ARID1B: variants seen among roughly 807,000 people sequenced by gnomAD.
ARID1B encodes AT-rich interactive domain-containing protein 1B.
ARID1B carries 30 observed loss-of-function variants against 212.3 expected under a neutral mutation model. The observed-to-expected ratio is 0.14, with a 90% confidence interval of 0.11 to 0.19. The LOEUF is 0.19. Ranked by LOEUF, ARID1B falls within the 10% of genes least tolerant of loss-of-function variation. ARID1B has a pLI of 1.00. For synonymous variants in ARID1B, 1,402 were observed against 1,301.7 expected, an observed-to-expected ratio of 1.08 and a Z score of -1.66; for missense variants, 2,891 against 3,204.0, an observed-to-expected ratio of 0.90 and a Z score of 2.36.
chr6:157,120,263 G>T (rs1416252144), intron 6 of ARID1B, among the ~76,000 whole-genome samples: 1 of 152,152 alleles, frequency 6.6e-6, no homozygotes, highest in Non-Finnish European at 1.5e-5. Flanking sequence ...CCCCTCCCCG[G>T]ACTCTCATTT....
chr6:156,947,356 TC>T (rs1793226951), intron 4 of ARID1B, among the ~76,000 whole-genome samples: 1 of 152,238 alleles, frequency 6.6e-6, no homozygotes, highest in Non-Finnish European at 1.5e-5. Context: ...CATTATTAAT[TC>T]CTCCTTCTCT....
intron 4 of ARID1B, among the ~76,000 whole-genome samples, chr6:156,997,125 A>G (rs1429705436): frequency 6.6e-6 from 1 of 152,210 alleles, no homozygotes; most frequent in Non-Finnish European, 1.5e-5. Flanking sequence ...GATGTGGTCT[A>G]TGGGAAACAC....
chr6:156,898,569 T>A (rs752062162), intron 2 of ARID1B, among the ~76,000 whole-genome samples: 1 of 152,216 alleles, frequency 6.6e-6, no homozygotes, highest in Non-Finnish European at 1.5e-5. Context: ...GGCTGTTGAT[T>A]TGTGTTTCAT....
chr6:156,842,269 T>C (rs539904565), intron 2 of ARID1B, among the ~76,000 whole-genome samples: 37 of 152,230 alleles, frequency 2.4e-4, no homozygotes, highest in Non-Finnish European at 4.3e-4. Context: ...ACGTAGTTAC[T>C]CTCTGTTGTC....
chr6:156,778,577 C>T lies in ARID1B; in HGVS notation c.897C>T (p.Ala299=), dbSNP rs1216034857. The T allele has an allele frequency of 4.8e-6, 6 of 1,249,866 alleles. No individual in the cohort carries two copies. The highest frequency in any genetic ancestry group is 6.0e-6 in the Non-Finnish European group (6 of 1,000,304). 77.4% of individuals were successfully genotyped at this position (1,249,866 alleles called of 1,614,324 possible). A position where few individuals can be genotyped will look rare whatever the true frequency, so the allele number is the denominator to read the frequency against. The change falls in exon 1 of 20, where the codon GCC becomes GCT. Residue 299 remains alanine (A), a synonymous_variant. Transcript: ENST00000636930. ...GALGTQQPPV[A]VPGGGGGPAA... ...TGGGCACGCAGCAGCCGCCGGTCGCCGTGCCCGGGGGCGGCGGCGGCCCGG... is the reference window on the plus strand; with the variant it reads ...TGGGCACGCAGCAGCCGCCGGTCGCTGTGCCCGGGGGCGGCGGCGGCCCGG...
At chr6:156,983,668 T>A (rs1375711442) in intron 4 of ARID1B, among the ~76,000 whole-genome samples, 1 of 152,118 alleles carries the variant, frequency 6.6e-6, no homozygotes, top group African/African-American at 2.4e-5. Context: ...GTCTCAGTGT[T>A]CGGTACTTGC....
chr6:157,205,905 A>G, intron 19 of ARID1B: 2 of 451,544 alleles, frequency 4.4e-6, no homozygotes, highest in East Asian at 7.9e-5. Flanking sequence ...ATAAAAAGTA[A>G]GTTTTCGTGT....
intron 7 of ARID1B, among the ~76,000 whole-genome samples, chr6:157,141,779 T>A (rs1027530566): frequency 6.6e-6 from 1 of 152,214 alleles, no homozygotes; most frequent in Non-Finnish European, 1.5e-5. Context: ...CTAATTTTTT[T>A]AAGTTGGAAT....
Position 157,132,650 on chromosome 6 carries a change from C to CA in ARID1B, c.2582-377dup, listed in dbSNP as rs558999525. 6.6e-5 allele frequency among the ~76,000 whole-genome samples: 10 copies of CA among 152,320 alleles called. No homozygotes were observed. In the East Asian group the frequency reaches 1.9e-3, roughly 29 times the overall value. On this transcript the variant is annotated intron_variant, in intron 6 of 19. Coordinates refer to ENST00000636930, the MANE Select transcript of ARID1B (RefSeq NM_001374828.1). ...GGAGCAAAGGCTTGGAGCAGGCACG[C>CA]ACGGCATGGCCAGCCTTTCAGGGGC...
intron 15 of ARID1B, among the ~76,000 whole-genome samples, chr6:157,191,132 G>A (rs1793340005): frequency 6.6e-6 from 1 of 152,084 alleles, no homozygotes; most frequent in Admixed American, 6.5e-5. Flanking sequence ...ATAAATGACT[G>A]GCCATCTCTG....
At chr6:156,832,841 A>G (rs550752959) in intron 2 of ARID1B, among the ~76,000 whole-genome samples, 4 of 152,218 alleles carry the variant, frequency 2.6e-5, no homozygotes, top group Admixed American at 6.5e-5. Context: ...TATGGTGATA[A>G]TTTTGTTTTT....
intron 2 of ARID1B, among the ~76,000 whole-genome samples, chr6:156,900,423 T>G: frequency 6.6e-6 from 1 of 152,192 alleles, no homozygotes. Flanking sequence ...GGGTTTTAAG[T>G]GTGTATCTGG....
intron 1 of ARID1B, among the ~76,000 whole-genome samples, chr6:156,819,129 C>G (rs1782181619): frequency 6.6e-6 from 1 of 152,160 alleles, no homozygotes; most frequent in Non-Finnish European, 1.5e-5. Flanking sequence ...TTGACATAGT[C>G]TCACAAAAGC....
chr6:157,014,403 C>A (rs958384416), intron 4 of ARID1B, among the ~76,000 whole-genome samples: 1 of 152,124 alleles, frequency 6.6e-6, no homozygotes, highest in Non-Finnish European at 1.5e-5. Flanking sequence ...AATTCAGTTT[C>A]GATTCTTTCT....
chr6:156,956,473 T>C (rs980848566), intron 4 of ARID1B, among the ~76,000 whole-genome samples: 4 of 152,014 alleles, frequency 2.6e-5, no homozygotes, highest in African/African-American at 4.8e-5. Context: ...CCTCTGGAGG[T>C]GGCCTCTAGG....
chr6:157,125,488 C>T (rs1788073322), intron 6 of ARID1B, among the ~76,000 whole-genome samples: 1 of 152,208 alleles, frequency 6.6e-6, no homozygotes, highest in Admixed American at 6.5e-5. Flanking sequence ...AAGTCCATGC[C>T]TTGGGACATC....
At chr6:156,833,052 A>G (rs1288771944) in intron 2 of ARID1B, among the ~76,000 whole-genome samples, 1 of 152,170 alleles carries the variant, frequency 6.6e-6, no homozygotes, top group Non-Finnish European at 1.5e-5. Flanking sequence ...TCAGGGGGGA[A>G]ATGAATTTTC....
chr6:156,826,480 C>T (rs1427723535), intron 1 of ARID1B, among the ~76,000 whole-genome samples: 2 of 152,178 alleles, frequency 1.3e-5, no homozygotes, highest in Non-Finnish European at 1.5e-5. Flanking sequence ...TTGGGCACAA[C>T]GCACATAGTA....
intron 8 of ARID1B, among the ~76,000 whole-genome samples, chr6:157,160,694 A>G (rs1380957489): frequency 6.6e-6 from 1 of 152,242 alleles, no homozygotes; most frequent in Non-Finnish European, 1.5e-5. Context: ...CCAGAGAACC[A>G]TAAGCCTGGC....
Sources: allele counts gnomAD v4.1 joint callset (sites outside exome capture counted in the v4.1 genomes callset), GRCh38; gene constraint gnomAD v4.1.1; transcripts MANE v1.5; gene names NCBI Gene and HGNC (gene_info 2026-07-23, HGNC 2026-07-21).